PCBP2: variants seen among roughly 807,000 people sequenced by gnomAD.
The protein encoded by PCBP2 is poly(rC)-binding protein 2.
PCBP2 carries 4 observed loss-of-function variants against 50.1 expected under a neutral mutation model. That is an observed-to-expected ratio of 0.08 (90% CI 0.04 to 0.18). PCBP2 has a LOEUF of 0.18. Among genes scored for constraint, PCBP2 ranks in the 10% least tolerant of loss-of-function variants. PCBP2 has a pLI of 1.00. For missense variants in PCBP2, 161 were observed against 474.3 expected, an observed-to-expected ratio of 0.34 and a Z score of 6.14; for synonymous variants, 179 against 168.0, an observed-to-expected ratio of 1.07 and a Z score of -0.51.
intron 14 of PCBP2, chr12:53,475,372 G>GT (rs1175468310): frequency 2.8e-6 from 1 of 355,552 alleles, no homozygotes; most frequent in Non-Finnish European, 5.6e-6. Context: ...GGTAACCCTT[G>GT]TTTAGGTTTA....
intron 6 of PCBP2, chr12:53,459,836 C>T: frequency 2.2e-6 from 1 of 453,920 alleles, no homozygotes; most frequent in Non-Finnish European, 4.4e-6. Flanking sequence ...CTCACTGCAG[C>T]AAAACATCGA....
At position 53,461,071 on chromosome 12, in the gene PCBP2, G is replaced by A. The variant is rs756978610; in HGVS notation, c.432G>A (p.Arg144=). The A allele has an allele frequency of 1.2e-6, 2 of 1,613,836 alleles. No homozygotes were observed. The highest frequency in any genetic ancestry group is 1.7e-6 in the Non-Finnish European group (2 of 1,179,896). The change falls in exon 7 of 15, where the codon CGG becomes CGA. Residue 144 remains arginine (R), a synonymous_variant. Transcript: ENST00000546463. ...AGDMLPNSTE[R]AITIAGIPQS... is the part of the protein sequence containing the mutation. ...ATATGCTACCCAACTCAACTGAGCG[G>A]GCCATCACTATTGCTGGCATTCCAC...
chr12:53,460,865 G>T, intron 6 of PCBP2, 150 bp from the exon 7 acceptor site: 1 of 768,908 alleles, frequency 1.3e-6, no homozygotes. Context: ...GTCCTATCTG[G>T]AATAAGGGAA....
chr12:53,465,041 AC>A, intron 9 of PCBP2, 189 bp downstream of exon 9: 3 of 544,832 alleles, frequency 5.5e-6, no homozygotes, highest in Non-Finnish European at 2.8e-6. Flanking sequence ...GGTAACACCA[AC>A]TTTTTTTTTT....
At chr12:53,470,378 C>CAAAAA (rs754350790) in intron 13 of PCBP2, among the ~76,000 whole-genome samples, 1 of 47,366 alleles carries the variant, frequency 2.1e-5, no homozygotes, top group African/African-American at 1.0e-4. Context: ...CTCCGTCTCT[C>CAAAAA]AAAAAAAAAA....
Position 53,471,626 on chromosome 12 carries a change from T to G in PCBP2, c.883-12T>G, listed in dbSNP as rs1375374398. On this transcript the variant is annotated splice_polypyrimidine_tract_variant and intron_variant, in intron 13 of 14. Coordinates refer to ENST00000546463, the MANE Select transcript of PCBP2 (RefSeq NM_031989.5). ...CTAATTCGGTGTGCCTTGTTTTTCT[T>G]TCTCCCTTAAGTTGATTGGCTGCAT... The G allele has an allele frequency of 1.9e-6, 3 of 1,603,158 alleles. No individual in the cohort carries two copies. In the Admixed American group the frequency reaches 5.1e-5, roughly 27 times the overall value.
chr12:53,452,166 T>TCCGCCCGCCCGCCCTCCGC lies in PCBP2; in HGVS notation c.-272_-271insTCCGCCCGCCCGCCCGCCC, dbSNP rs1555205123. On this transcript the variant is annotated 5_prime_UTR_variant, in exon 1 of 15. Transcript: ENST00000546463. ...TGCGCCCTCTCCCGCCCGCCCGCCC[T>TCCGCCCGCCCGCCCTCCGC]CCGCCCGCCCGCCCGCCCTCCGCCG... The TCCGCCCGCCCGCCCTCCGC allele has an allele frequency of 1.1e-4, 2 of 17,448 alleles. No individual in the cohort carries two copies. The highest frequency in any genetic ancestry group is 2.2e-4 in the Non-Finnish European group (2 of 9,100). The allele number at this position is 17,448 out of a possible 1,614,324, so 1.1% of individuals were successfully genotyped here.
chr12:53,464,567 G>T (rs1243283659), intron 8 of PCBP2, 193 bp from the exon 9 acceptor site: 9 of 640,492 alleles, frequency 1.4e-5, no homozygotes, highest in Non-Finnish European at 2.3e-5. Flanking sequence ...TAGCCCAATT[G>T]TGCAGTGTGA....
chr12:53,474,871 T>C, intron 14 of PCBP2: 1 of 413,984 alleles, frequency 2.4e-6, no homozygotes, highest in Non-Finnish European at 5.0e-6. Flanking sequence ...TGTTACAGTT[T>C]AGAAAACGCT....
Position 53,470,009 on chromosome 12 carries a change from G to A in PCBP2, c.882+1177G>A, listed in dbSNP as rs921766961. 2.0e-5 allele frequency among the ~76,000 whole-genome samples: 3 copies of A among 151,998 alleles called. No homozygotes were observed. The South Asian group carries it at 6.2e-4, about 32-fold the overall frequency. On this transcript the variant is annotated intron_variant, in intron 13 of 14. Transcript: ENST00000546463. ...GATCCCCCCCCTTCAGCCTCCCAAA[G>A]CGTTGGGATTACAGGTGTGAGCCAC...
At chr12:53,467,110 G>A (rs1369516194) in intron 10 of PCBP2, 111 bp from the exon 11 acceptor site, 1 of 734,976 alleles carries the variant, frequency 1.4e-6, no homozygotes, top group African/African-American at 1.7e-5. Context: ...GTTGTAGTTT[G>A]AGTAGTAGAG....
intron 6 of PCBP2, chr12:53,460,293 C>G (rs1410347479): frequency 3.3e-6 from 1 of 300,712 alleles, no homozygotes; most frequent in Non-Finnish European, 6.8e-6. Context: ...GCGCGCTCCA[C>G]AATGCCCGGC....
chr12:53,457,030 C>G (rs771578437), intron 5 of PCBP2, among the ~76,000 whole-genome samples: 2 of 152,054 alleles, frequency 1.3e-5, no homozygotes, highest in African/African-American at 2.4e-5. Flanking sequence ...TGAACTAGTT[C>G]TTTTTTATAC....
chr12:53,460,953 T>C (rs1198144268), intron 6 of PCBP2, 62 bp from the exon 7 acceptor site: 7 of 1,575,622 alleles, frequency 4.4e-6, no homozygotes, highest in East Asian at 2.3e-5. Context: ...AAATTGCTGC[T>C]GGAGGAATTG....
intron 7 of PCBP2, among the ~76,000 whole-genome samples, chr12:53,461,713 T>TTCATTTC (rs1565862137): frequency 1.3e-5 from 2 of 152,054 alleles, no homozygotes; most frequent in African/African-American, 4.8e-5. Flanking sequence ...AACGAATTTT[T>TTCATTTC]TCGTGTGTGT....
chr12:53,468,917 C>CTTTTTTT (rs5798266), intron 13 of PCBP2, 85 bp downstream of exon 13: 130 of 574,508 alleles, frequency 2.3e-4, no homozygotes, highest in African/African-American at 2.2e-3. Context: ...TCCTGCTACC[C>CTTTTTTT]TTTTTTTTTT....
Position 53,480,307 on chromosome 12 carries a change from T to G in PCBP2, c.*865T>G, listed in dbSNP as rs1942967928. 1 of 152,240 alleles carries G rather than the reference T, an allele frequency of 6.6e-6. No individual in the cohort carries two copies. The highest frequency in any genetic ancestry group is 1.5e-5 in the Non-Finnish European group (1 of 68,032). 9.4% of individuals were successfully genotyped at this position (152,240 alleles called of 1,614,324 possible). A position where few individuals can be genotyped will look rare whatever the true frequency, so the allele number is the denominator to read the frequency against. ...TAACAAGTTAGAAGGATGTATCTGC[T>G]ACCATTTATTCCTATAATTTTAGAA... On this transcript the variant is annotated 3_prime_UTR_variant, in exon 15 of 15. Coordinates refer to ENST00000546463, the MANE Select transcript of PCBP2 (RefSeq NM_031989.5).
intron 13 of PCBP2, among the ~76,000 whole-genome samples, chr12:53,470,211 C>T (rs1293720981): frequency 6.6e-6 from 1 of 151,738 alleles, no homozygotes; most frequent in African/African-American, 2.4e-5. Flanking sequence ...AACCCTGTCT[C>T]TACTAAAAAT....
intron 12 of PCBP2, chr12:53,468,076 T>C: frequency 1.9e-6 from 1 of 513,324 alleles, no homozygotes; most frequent in South Asian, 3.1e-5. Flanking sequence ...TAAGCTTGAG[T>C]GTTAGCCAGC....
Sources: allele counts gnomAD v4.1 joint callset (sites outside exome capture counted in the v4.1 genomes callset), GRCh38; gene constraint gnomAD v4.1.1; transcripts MANE v1.5; gene names NCBI Gene and HGNC (gene_info 2026-07-23, HGNC 2026-07-21).